The following STOX2 variants were observed in gnomAD, a reference collection of about 807,000 sequenced individuals.
STOX2 encodes storkhead box 2, also known as storkhead-box protein 2.
A neutral mutation model predicts 60.9 loss-of-function variants in STOX2; 28 were observed. The ratio of observed to expected loss-of-function variants is 0.46; its 90% CI spans 0.34 to 0.63. The LOEUF is 0.63. STOX2 is among the 30% of genes least tolerant of loss of function. STOX2 has a pLI of 0.01. For synonymous variants in STOX2, 472 were observed against 463.9 expected (o/e 1.02, Z -0.22); for missense variants, 1,024 against 1,187.7 (o/e 0.86, Z 2.03).
intron 1 of STOX2, among the ~76,000 whole-genome samples, chr4:183,807,946 C>T (rs1738944541): frequency 6.6e-6 from 1 of 152,200 alleles, no homozygotes; most frequent in Non-Finnish European, 1.5e-5. Context: ...AACAGGCCTG[C>T]GGGGCGGGCT....
chr4:183,985,873 C>T (rs1008731701), intron 1 of STOX2, among the ~76,000 whole-genome samples: 5 of 152,092 alleles, frequency 3.3e-5, no homozygotes, highest in Admixed American at 2.6e-4. Context: ...TATTAGGCAC[C>T]CTGTCTGACC....
chr4:183,852,893 A>C (rs1176562232), intron 1 of STOX2, among the ~76,000 whole-genome samples: 1 of 152,210 alleles, frequency 6.6e-6, no homozygotes, highest in Non-Finnish European at 1.5e-5. Flanking sequence ...ATGGGTGTCA[A>C]CTGCTTTTTC....
chr4:183,824,289 C>T (rs1739372351), intron 1 of STOX2, among the ~76,000 whole-genome samples: 1 of 152,176 alleles, frequency 6.6e-6, no homozygotes, highest in South Asian at 2.1e-4. Context: ...AATATTCTCA[C>T]CACCTGCTAA....
At position 184,010,626 on chromosome 4, in the gene STOX2, C is replaced by T. The variant is rs2111249337; in HGVS notation, c.1788C>T (p.Ala596=). ...GELNSCPTKT[A]TDDYFQCNTS... is the part of the protein sequence containing the mutation. ...TCAACTCTTGTCCAACAAAAACAGC[C>T]ACAGATGACTATTTCCAGTGCAACA... is the stretch of plus-strand genomic sequence containing the variant. The change falls in exon 3 of 4, where the codon GCC becomes GCT. Residue 596 remains alanine, a synonymous_variant. Transcript: ENST00000308497. The surrounding 1 kb of genome is among the most constrained non-coding windows in gnomAD (Gnocchi z 4.5). The T allele has an allele frequency of 6.2e-7, 1 of 1,614,022 alleles. No individual in the cohort carries two copies. Among genetic ancestry groups the T allele is most frequent in the Non-Finnish European group, 8.5e-7 (1 of 1,179,884 alleles).
intron 1 of STOX2, among the ~76,000 whole-genome samples, chr4:183,885,483 T>A (rs1741059037): frequency 6.6e-6 from 1 of 152,174 alleles, no homozygotes; most frequent in African/African-American, 2.4e-5. Flanking sequence ...TGATGATGAT[T>A]CTGGTTCTGT....
At chr4:183,958,884 G>A (rs1208601687) in intron 1 of STOX2, among the ~76,000 whole-genome samples, 1 of 151,936 alleles carries the variant, frequency 6.6e-6, no homozygotes, top group African/African-American at 2.4e-5. Context: ...TGATATTGAC[G>A]GTAGACCTGA....
intron 1 of STOX2, among the ~76,000 whole-genome samples, chr4:183,844,059 G>A (rs990478470): frequency 6.6e-6 from 1 of 152,006 alleles, no homozygotes; most frequent in African/African-American, 2.4e-5. Context: ...CTTTTTAAAA[G>A]CAATCTAATA....
intron 1 of STOX2, among the ~76,000 whole-genome samples, chr4:183,989,978 C>T (rs964769701): frequency 2.6e-5 from 4 of 152,146 alleles, no homozygotes; most frequent in African/African-American, 9.7e-5. Flanking sequence ...GTTCAAGACC[C>T]CTTGAACATC....
chr4:183,999,857 T>C (rs1733509628), intron 1 of STOX2, among the ~76,000 whole-genome samples: 1 of 152,156 alleles, frequency 6.6e-6, no homozygotes, highest in South Asian at 2.1e-4. Context: ...TTGGTCCACC[T>C]CAGAGCAGCC....
Position 184,010,963 on chromosome 4 carries a change from A to G in STOX2, c.2125A>G (p.Ser709Gly), listed in dbSNP as rs749596609. 6.2e-6 allele frequency: 10 copies of G among 1,613,394 alleles called. No homozygotes were observed. The highest frequency in any genetic ancestry group is 1.6e-4 in the Middle Eastern group (1 of 6,084). The change falls in exon 3 of 4, where the codon AGC (serine) becomes GGC (glycine). Residue 709 changes from serine to glycine, a missense_variant. Physicochemically the swap from Ser to Gly is moderately conservative, Grantham distance 56. Around this residue, in one of 3 missense-constraint regions of STOX2, gnomAD observed 922 missense variants for 1,058.3 expected, o/e 0.87. Transcript: ENST00000308497. The surrounding 1 kb of genome is among the most constrained non-coding windows in gnomAD (Gnocchi z 4.5). ...SKDTLFKPLH[S>G]TLSVNSYHKS... is the part of the protein sequence containing the mutation. ...AGACACACTGTTCAAACCTCTTCAC[A>G]GCACCTTGTCTGTAAACAGCTATCA...
intron 1 of STOX2, among the ~76,000 whole-genome samples, chr4:183,966,729 G>A (rs1743580967): frequency 6.6e-6 from 1 of 152,202 alleles, no homozygotes; most frequent in Non-Finnish European, 1.5e-5. Context: ...AATTAGAAGG[G>A]ATGACCTAGG....
intron 1 of STOX2, among the ~76,000 whole-genome samples, chr4:183,848,276 T>G (rs1745844201): frequency 6.6e-6 from 1 of 152,224 alleles, no homozygotes; most frequent in Non-Finnish European, 1.5e-5. Context: ...ATTAGAATAT[T>G]GGCTTCTATA....
chr4:183,961,401 T>C (rs1468655025), intron 1 of STOX2, among the ~76,000 whole-genome samples: 1 of 150,984 alleles, frequency 6.6e-6, no homozygotes, highest in Non-Finnish European at 1.5e-5. Context: ...AACGGTGGAC[T>C]CTGCCAGCCA....
intron 1 of STOX2, among the ~76,000 whole-genome samples, chr4:183,921,582 A>C (rs1229487634): frequency 6.6e-6 from 1 of 152,228 alleles, no homozygotes; most frequent in Non-Finnish European, 1.5e-5. Context: ...TAATAGGAAA[A>C]CATAAGCTTC....
chr4:184,009,812 A>C lies in STOX2; in HGVS notation c.974A>C (p.Glu325Ala), dbSNP rs1560940581. Reference sequence around the variant, plus strand: ...CGCATTAACCCAGACCTGACCGTGGAAAATGTCATGCGGCACACCGCGCTC... The same window carrying C: ...CGCATTAACCCAGACCTGACCGTGGCAAATGTCATGCGGCACACCGCGCTC... Reference protein sequence around the residue: ...IRRINPDLTVENVMRHTALMK... With the variant: ...IRRINPDLTVANVMRHTALMK... The change falls in exon 3 of 4, where the codon GAA becomes GCA. Residue 325 changes from glutamate (E) to alanine (A), a missense_variant. By Grantham distance (107) the Glu-to-Ala change is moderately radical. Coordinates refer to ENST00000308497, the MANE Select transcript of STOX2 (RefSeq NM_020225.3). The surrounding 1 kb of genome is among the most constrained non-coding windows in gnomAD (Gnocchi z 4.0). 2 of 1,612,560 alleles carry C rather than the reference A, an allele frequency of 1.2e-6. No homozygotes were observed. Among genetic ancestry groups the C allele is most frequent in the Non-Finnish European group, 1.7e-6 (2 of 1,179,332 alleles).
chr4:183,803,472 A>G (rs998284185), intron 1 of STOX2, among the ~76,000 whole-genome samples: 1 of 152,256 alleles, frequency 6.6e-6, no homozygotes, highest in Non-Finnish European at 1.5e-5. Context: ...AAAATTGAAT[A>G]ATATTCCTAG....
chr4:183,912,749 C>A (rs922447403), intron 1 of STOX2, among the ~76,000 whole-genome samples: 2 of 152,112 alleles, frequency 1.3e-5, no homozygotes, highest in Non-Finnish European at 2.9e-5. Context: ...CTCTATTTTG[C>A]CAGCAACCAC....
intron 1 of STOX2, among the ~76,000 whole-genome samples, chr4:183,991,673 C>T (rs1253761016): frequency 6.6e-6 from 1 of 152,138 alleles, no homozygotes; most frequent in African/African-American, 2.4e-5. Flanking sequence ...ATCCACCCAC[C>T]TCGACCTCCC....
At chr4:183,907,186 G>A (rs1170514921) in intron 1 of STOX2, among the ~76,000 whole-genome samples, 15 of 152,162 alleles carry the variant, frequency 9.9e-5, no homozygotes, top group Non-Finnish European at 2.9e-5. Context: ...AGGGAGGGGG[G>A]ACGAGCCGGG....
Sources: gnomAD v4.1 joint callset for allele counts (sites outside exome capture counted in the v4.1 genomes callset) on GRCh38, gnomAD v4.1.1 for gene constraint, gnomAD v4.1.1 regional missense constraint, Gnocchi (gnomAD v3.1) non-coding constraint, MANE v1.5 for transcripts, NCBI Gene and HGNC (gene_info 2026-07-23, HGNC 2026-07-21) for gene names.